Variants in NOTCH2NLB observed in about 807,000 individuals in gnomAD.
The protein encoded by NOTCH2NLB is notch homolog 2 N-terminal-like protein B.
NOTCH2NLB carries 1 observed loss-of-function variant against 14.8 expected under a neutral mutation model. The ratio of observed to expected loss-of-function variants is 0.07; its 90% CI spans 0.02 to 0.32. The LOEUF (loss-of-function observed/expected upper bound fraction) is 0.32. Ranked by LOEUF, NOTCH2NLB falls within the 10% of genes least tolerant of loss-of-function variation. The probability of loss-of-function intolerance (pLI) is 1.00; values close to 1 mark genes in which losing one functional copy is unlikely to be tolerated. For synonymous variants in NOTCH2NLB, 6 were observed against 57.5 expected (o/e 0.10, Z 4.05); for missense variants, 11 against 155.0 (o/e 0.07, Z 4.93).
At chr1:148,627,695 T>C (rs1383777549) in intron 2 of NOTCH2NLB, among the ~76,000 whole-genome samples, 3,134 of 150,700 alleles carry the variant, frequency 0.021, 1 homozygote, top group African/African-American at 0.074. Flanking sequence ...TAAATGTTAT[T>C]TCCTGTGAAA....
At chr1:148,609,155 T>C (rs1663605498) in intron 3 of NOTCH2NLB, among the ~76,000 whole-genome samples, 1 of 139,466 alleles carries the variant, frequency 7.2e-6, no homozygotes, top group African/African-American at 2.8e-5. Context: ...TGCAGGTTTG[T>C]TACATATGTA....
chr1:148,621,582 CTAAAT>C (rs1228599142), intron 2 of NOTCH2NLB, among the ~76,000 whole-genome samples: 1 of 127,148 alleles, frequency 7.9e-6, no homozygotes, highest in Non-Finnish European at 1.6e-5. Flanking sequence ...CTAAAGTCTA[CTAAAT>C]TAAACACTTT....
Position 148,629,636 on chromosome 1 carries a change from AG to A in NOTCH2NLB, c.77+10379del, listed in dbSNP as rs1382390783. On this transcript the variant is annotated intron_variant, in intron 2 of 4. Transcript: ENST00000593495. ...CATTGTATACAAATAGAATTAAGAC[AG>A]AAAAATTAAAGTCAAGGAGGTACAG... Among the ~76,000 whole-genome samples, 10 of 115,504 alleles carry A rather than the reference AG, an allele frequency of 8.7e-5. 2 individuals are homozygous for A. Among genetic ancestry groups the A allele is most frequent in the Admixed American group, 8.2e-4 (10 of 12,218 alleles). 75.8% of individuals were successfully genotyped at this position (115,504 alleles called of 152,430 possible).
At chr1:148,638,152 C>T (rs1664257559) in intron 2 of NOTCH2NLB, among the ~76,000 whole-genome samples, 1 of 148,228 alleles carries the variant, frequency 6.7e-6, no homozygotes, top group Admixed American at 6.7e-5. Flanking sequence ...GTTCTAGATC[C>T]TTGAGGAATC....
At chr1:148,633,320 G>C (rs1175477219) in intron 2 of NOTCH2NLB, among the ~76,000 whole-genome samples, 1 of 117,304 alleles carries the variant, frequency 8.5e-6, no homozygotes, top group Non-Finnish European at 1.7e-5. Flanking sequence ...TTGGGAGGCC[G>C]AGGCGGGCAG....
chr1:148,693,074 G>A, the NOTCH2NLB span, among the ~76,000 whole-genome samples: 9 of 126,266 alleles, frequency 7.1e-5, no homozygotes, highest in Admixed American at 4.0e-4. Flanking sequence ...TCTGCCGCTA[G>A]GAAGAAGAGA....
chr1:148,634,319 G>A (rs1375025926), intron 2 of NOTCH2NLB, among the ~76,000 whole-genome samples: 5 of 150,322 alleles, frequency 3.3e-5, no homozygotes, highest in East Asian at 1.9e-4. Context: ...CAGCTGAGAC[G>A]AAAGAGAAAG....
At chr1:148,708,055 G>A in the NOTCH2NLB span, among the ~76,000 whole-genome samples, 2 of 68,340 alleles carry the variant, frequency 2.9e-5, no homozygotes, top group Admixed American at 1.5e-4. Flanking sequence ...TACCATACAA[G>A]AGATACAAGA....
At chr1:148,604,987 ACAC>A (rs1205157189), downstream of NOTCH2NLB, among the ~76,000 whole-genome samples, 2 of 144,420 alleles carry the variant, frequency 1.4e-5, no homozygotes, top group African/African-American at 5.3e-5. Flanking sequence ...ACACACACAC[ACAC>A]ATTGATATGT....
downstream of NOTCH2NLB, among the ~76,000 whole-genome samples, chr1:148,602,276 AAAAAGAAAAG>A (rs1312706018): frequency 2.1e-3 from 129 of 61,892 alleles, no homozygotes; most frequent in Non-Finnish European, 2.4e-3. Flanking sequence ...AAAAAAAAAA[AAAAAGAAAAG>A]AAAAGAAAAT....
chr1:148,649,542 G>T (rs1460083897), intron 1 of NOTCH2NLB, among the ~76,000 whole-genome samples: 1 of 126,576 alleles, frequency 7.9e-6, no homozygotes, highest in Admixed American at 8.7e-5. Flanking sequence ...ATGGAGTCTC[G>T]CTCTGTCACC....
the NOTCH2NLB span, among the ~76,000 whole-genome samples, chr1:148,701,006 A>G: frequency 1.5e-5 from 1 of 65,824 alleles, no homozygotes; most frequent in Non-Finnish European, 3.1e-5. Context: ...TTTTCCTGTA[A>G]ACAGACCTTA....
At chr1:148,661,419 A>G (rs1192315986) in intron 1 of NOTCH2NLB, among the ~76,000 whole-genome samples, 1 of 149,962 alleles carries the variant, frequency 6.7e-6, no homozygotes, top group Non-Finnish European at 1.5e-5. Flanking sequence ...CAAATTTTTT[A>G]ATTTGAAATT....
rs1210954035 is a variant in NOTCH2NLB, at chr1:148,660,393, A to G, written c.3+19069T>C. On this transcript the variant is annotated intron_variant, in intron 1 of 4. Transcript: ENST00000593495. ...CTAGTCTGGTAAAGGATTTCTAAAT[A>G]TACCTTCCAAGGGCAAAAGGGTGCC... 2.3e-5 allele frequency among the ~76,000 whole-genome samples: 3 copies of G among 130,890 alleles called. No homozygotes were observed. In the East Asian group the frequency reaches 6.7e-4, roughly 29 times the overall value. 85.9% of individuals were successfully genotyped at this position (130,890 alleles called of 152,430 possible).
intron 2 of NOTCH2NLB, among the ~76,000 whole-genome samples, chr1:148,616,689 T>TA (rs1663807978): frequency 9.1e-6 from 1 of 110,260 alleles, no homozygotes; most frequent in Non-Finnish European, 2.0e-5. Flanking sequence ...ATATCTAAGA[T>TA]ACCATATAAA....
intron 2 of NOTCH2NLB, among the ~76,000 whole-genome samples, chr1:148,625,270 A>G (rs1663954828): frequency 1.9e-5 from 1 of 52,110 alleles, no homozygotes; most frequent in Admixed American, 1.9e-4. Context: ...TGTTTTCTCC[A>G]CCGAATGTTC....
At chr1:148,610,296 G>T (rs1448932929) in intron 3 of NOTCH2NLB, among the ~76,000 whole-genome samples, 91 of 66,776 alleles carry the variant, frequency 1.4e-3, no homozygotes, top group East Asian at 4.7e-3. Flanking sequence ...AAAGAGAGAG[G>T]GAAAGAGAGA....
At chr1:148,700,929 G>T in the NOTCH2NLB span, among the ~76,000 whole-genome samples, 1 of 76,958 alleles carries the variant, frequency 1.3e-5, no homozygotes, top group Non-Finnish European at 2.7e-5. Flanking sequence ...TGGTATTTTT[G>T]CCATGAAAGC....
chr1:148,651,162 A>C (rs1276278779), intron 1 of NOTCH2NLB, among the ~76,000 whole-genome samples: 4 of 46,044 alleles, frequency 8.7e-5, no homozygotes, highest in African/African-American at 3.1e-4. Flanking sequence ...AAAAAAAAAA[A>C]ATATATATAT....
Sources: gnomAD v4.1 joint callset for allele counts (sites outside exome capture counted in the v4.1 genomes callset) on GRCh38, gnomAD v4.1.1 for gene constraint, MANE v1.5 for transcripts, NCBI Gene and HGNC (gene_info 2026-07-23, HGNC 2026-07-21) for gene names.